MIA2: variants seen among roughly 807,000 people sequenced by gnomAD.
MIA2 encodes melanoma inhibitory activity protein 2.
In MIA2, 127 loss-of-function variants were observed where a neutral mutation model predicts 167.8. The observed-to-expected ratio is 0.76, with a 90% CI of 0.66 to 0.88. The LOEUF (loss-of-function observed/expected upper bound fraction) is 0.88, where lower values mean the gene tolerates loss of function less well. MIA2 is among the 40% of genes least tolerant of loss of function. The pLI, the probability that MIA2 is intolerant of heterozygous loss-of-function variation, is 0.00. For synonymous variants in MIA2, 552 were observed against 541.9 expected, an observed-to-expected ratio of 1.02 and a Z score of -0.26; for missense variants, 1,690 against 1,624.7, an observed-to-expected ratio of 1.04 and a Z score of -0.69.
intron 6 of MIA2, chr14:39,265,673 T>TTTTCAGGTTTA (rs1470965815): frequency 5.5e-6 from 2 of 365,522 alleles, no homozygotes; most frequent in Admixed American, 4.8e-5. Context: ...TTCTAAAACC[T>TTTTCAGGTTTA]GAAAATTATT....
At chr14:39,265,146 T>C in intron 6 of MIA2, 1 of 365,648 alleles carries the variant, frequency 2.7e-6, no homozygotes, top group Non-Finnish European at 4.7e-6. Context: ...TAGGTGCATA[T>C]GTATGTGTGT....
intron 13 of MIA2, among the ~76,000 whole-genome samples, chr14:39,297,629 G>A (rs1278374615): frequency 6.7e-6 from 1 of 149,810 alleles, no homozygotes; most frequent in East Asian, 2.0e-4. Flanking sequence ...AGAGTCTCAG[G>A]TTCCACCTCT....
chr14:39,299,798 C>A, intron 13 of MIA2, 66 bp from the exon 14 acceptor site: 1 of 1,511,348 alleles, frequency 6.6e-7, no homozygotes, highest in South Asian at 1.3e-5. Flanking sequence ...CTACATAATG[C>A]CTTCTTGGTA....
rs571089787 is a variant in MIA2 at position 39,297,898 on chromosome 14, C to T, written c.2497-1966C>T. Among the ~76,000 whole-genome samples, 45 of 152,158 alleles carry T rather than the reference C, an allele frequency of 3.0e-4. No individual in the cohort carries two copies. In the South Asian group the frequency reaches 9.1e-3, roughly 31 times the overall value. ...GGCTTTCTAGGGTATATCAAATCAGCCTACTTTTGGGTGTTCCTACCTTCA... is the reference window on the plus strand; with the variant it reads ...GGCTTTCTAGGGTATATCAAATCAGTCTACTTTTGGGTGTTCCTACCTTCA... On this transcript the variant is annotated intron_variant, in intron 13 of 28. Transcript: ENST00000640607.
chr14:39,359,599 G>T (rs113210968), intron 23 of MIA2, among the ~76,000 whole-genome samples: 3,078 of 152,220 alleles, frequency 0.02, 109 homozygotes, highest in African/African-American at 0.071. Context: ...GATGAACCCG[G>T]TACCTCTATT....
At chr14:39,384,916 TTTAACTC>T (rs1226321087) in intron 23 of MIA2, among the ~76,000 whole-genome samples, 3 of 152,248 alleles carry the variant, frequency 2.0e-5, no homozygotes, top group Admixed American at 6.5e-5. Flanking sequence ...CCAACTACCT[TTTAACTC>T]TTAACAATTG....
intron 6 of MIA2, among the ~76,000 whole-genome samples, chr14:39,273,228 AGAAAAGCTTTT>A (rs1252335835): frequency 1.4e-5 from 2 of 143,026 alleles, no homozygotes; most frequent in Non-Finnish European, 3.0e-5. Context: ...TGATCTTAGG[AGAAAAGCTTTT>A]TTTTTTTTTT....
chr14:39,317,058 A>C (rs1344907820), intron 21 of MIA2, among the ~76,000 whole-genome samples: 1 of 152,202 alleles, frequency 6.6e-6, no homozygotes, highest in African/African-American at 2.4e-5. Context: ...GAGGCTACAA[A>C]GAGACAGTTA....
chr14:39,279,384 C>T lies in MIA2; in HGVS notation c.2041+26C>T, dbSNP rs746527532. The stretch of plus-strand genomic sequence containing the variant: ...GTAAGTTCTTTTTTCTGCTTTGACT[C>T]TCATTGTTGTGTTGTAAAAACTTAT... On this transcript the variant is annotated intron_variant, in intron 8 of 28. Coordinates refer to ENST00000640607, the MANE Select transcript of MIA2 (RefSeq NM_001329214.4). 3 of 1,606,104 alleles carry T rather than the reference C, an allele frequency of 1.9e-6. No homozygotes were observed. The Admixed American group carries it at 5.1e-5, about 27-fold the overall frequency.
At chr14:39,345,881 CA>C in intron 25 of MIA2, 22 bp from the exon 26 acceptor site, 1 of 1,589,186 alleles carries the variant, frequency 6.3e-7, no homozygotes, top group Non-Finnish European at 8.6e-7. Flanking sequence ...TTAATGAAGA[CA>C]TTTTAAAAAC....
rs1340183531 is a variant in MIA2 at position 39,248,097 on chromosome 14, A to G, written c.1523A>G (p.Asp508Gly). The change falls in exon 4 of 29, where the codon GAT (aspartate) becomes GGT (glycine). Residue 508 changes from aspartate (D) to glycine (G), a missense_variant. Transcript: ENST00000640607. ...TTTTCCATTGATAATTATCCCACAG[A>G]TAATACAAAAGTTATGATATTCAAA... is the stretch of plus-strand genomic sequence containing the variant. ...GEFSIDNYPT[D>G]NTKVMIFKSS... is the part of the protein sequence containing the mutation. The G allele has an allele frequency of 6.5e-7, 1 of 1,547,044 alleles. No individual in the cohort carries two copies. Among genetic ancestry groups the G allele is most frequent in the East Asian group, 2.3e-5 (1 of 43,650 alleles).
rs749908295 is a variant in MIA2, at chr14:39,350,116, C to T, written c.4091C>T (p.Pro1364Leu). 1.8e-5 allele frequency: 24 copies of T among 1,355,518 alleles called. No individual in the cohort carries two copies. The South Asian group carries it at 2.4e-4, about 14-fold the overall frequency. 84.0% of individuals were successfully genotyped at this position (1,355,518 alleles called of 1,614,324 possible). The stretch of plus-strand genomic sequence containing the variant: ...TGAACAGTGAGAAATGTCTATCCAC[C>T]GAGGGGTTTTCCTCCTTACCTTCCC... ...APFAMRNVYP[P>L]RGFPPYLPPR... Residue 1364 changes from proline to leucine, a missense_variant, in exon 29 of 29, where the codon CCG (proline) becomes CTG (leucine). Pro to Leu is a moderately conservative substitution (Grantham distance 98, BLOSUM62 -3). Coordinates refer to ENST00000640607, the MANE Select transcript of MIA2 (RefSeq NM_001329214.4).
At chr14:39,317,559 G>T (rs1023638668) in intron 21 of MIA2, among the ~76,000 whole-genome samples, 4 of 152,012 alleles carry the variant, frequency 2.6e-5, no homozygotes, top group African/African-American at 9.7e-5. Context: ...GAGATTTGAG[G>T]GTAGGGGGAT....
At chr14:39,349,144 A>G (rs527932189) in intron 28 of MIA2, among the ~76,000 whole-genome samples, 167 bp downstream of exon 28, 6 of 152,364 alleles carry the variant, frequency 3.9e-5, no homozygotes, top group South Asian at 2.1e-4. Flanking sequence ...GCAGCCAGCC[A>G]TAAGTGGACT....
chr14:39,373,856 G>A (rs1325196945), intron 23 of MIA2, among the ~76,000 whole-genome samples: 3 of 151,818 alleles, frequency 2.0e-5, no homozygotes, highest in Non-Finnish European at 4.4e-5. Context: ...TGAGAAAACA[G>A]TCATAAGAAA....
At chr14:39,320,872 C>G in intron 23 of MIA2, 56 bp from the exon 24 acceptor site, 1 of 1,577,218 alleles carries the variant, frequency 6.3e-7, no homozygotes, top group Non-Finnish European at 8.6e-7. Flanking sequence ...GATTCTAACT[C>G]TGTAGTGTAG....
intron 21 of MIA2, 31 bp downstream of exon 21, chr14:39,315,749 G>T: frequency 1.4e-6 from 2 of 1,443,360 alleles, no homozygotes; most frequent in African/African-American, 1.4e-5. Flanking sequence ...AGTCTCTTTT[G>T]TCAAATTGTA....
intron 3 of MIA2, among the ~76,000 whole-genome samples, chr14:39,240,905 G>A (rs2054006761): frequency 6.6e-6 from 1 of 152,194 alleles, no homozygotes; most frequent in Non-Finnish European, 1.5e-5. Context: ...ATGGATTCTG[G>A]AGATGGACTG....
intron 4 of MIA2, among the ~76,000 whole-genome samples, chr14:39,250,362 T>A (rs1461162940): frequency 1.3e-5 from 2 of 148,700 alleles, no homozygotes; most frequent in Non-Finnish European, 3.0e-5. Context: ...AGCCTAGGAG[T>A]TCGAGGCCGG....
Sources: allele counts gnomAD v4.1 joint callset (sites outside exome capture counted in the v4.1 genomes callset), GRCh38; gene constraint gnomAD v4.1.1; transcripts MANE v1.5; gene names NCBI Gene and HGNC (gene_info 2026-07-23, HGNC 2026-07-21).